OSBPL9: variants seen among roughly 807,000 people sequenced by gnomAD.
OSBPL9 encodes the protein oxysterol-binding protein-related protein 9.
In OSBPL9, 40 loss-of-function variants were observed where a neutral mutation model predicts 106.6. The observed-to-expected ratio is 0.38, with a 90% CI of 0.29 to 0.49. OSBPL9 has a LOEUF of 0.49. OSBPL9 is among the 20% of genes least tolerant of loss of function. The pLI is 0.97. For missense variants in OSBPL9, 609 were observed against 887.2 expected (o/e 0.69, Z 3.98); for synonymous variants, 269 against 295.4 (o/e 0.91, Z 0.92).
At chr1:51,525,420 A>G in the OSBPL9 span, among the ~76,000 whole-genome samples, 1 of 152,244 alleles carries the variant, frequency 6.6e-6, no homozygotes, top group Non-Finnish European at 1.5e-5. Context: ...AATAACAAAT[A>G]GACAACTCTT....
chr1:51,606,721 T>C (rs558190025), intron 2 of OSBPL9, among the ~76,000 whole-genome samples: 28 of 152,292 alleles, frequency 1.8e-4, no homozygotes, highest in Non-Finnish European at 3.8e-4. Context: ...GCTTTTTAAG[T>C]AGTTACAAGT....
chr1:51,653,701 T>C (rs1204209084), intron 2 of OSBPL9, among the ~76,000 whole-genome samples: 1 of 152,218 alleles, frequency 6.6e-6, no homozygotes, highest in Non-Finnish European at 1.5e-5. Flanking sequence ...AATTTGTCTG[T>C]TGAAGAATCT....
chr1:51,616,943 A>G, upstream of OSBPL9: 6 of 1,355,430 alleles, frequency 4.4e-6, no homozygotes, highest in Non-Finnish European at 5.9e-6. Context: ...TCCTACACAC[A>G]ATAGGCGCCC....
chr1:51,592,385 G>T (rs577924410), intron 1 of OSBPL9, among the ~76,000 whole-genome samples: 1 of 152,266 alleles, frequency 6.6e-6, no homozygotes, highest in Non-Finnish European at 1.5e-5. Context: ...AAAGTGCTGG[G>T]ATTACAGGCG....
chr1:51,518,810 CAGG>C, the OSBPL9 span, among the ~76,000 whole-genome samples: 1 of 151,588 alleles, frequency 6.6e-6, no homozygotes, highest in Non-Finnish European at 1.5e-5. Context: ...GCGAGCTCAA[CAGG>C]AGCTCACCTG....
intron 11 of OSBPL9, among the ~76,000 whole-genome samples, chr1:51,764,668 G>A (rs964538142): frequency 3.3e-5 from 5 of 150,348 alleles, no homozygotes; most frequent in African/African-American, 7.4e-5. Flanking sequence ...CTGCAGCCTC[G>A]ACCTCCTCAG....
intron 2 of OSBPL9, among the ~76,000 whole-genome samples, chr1:51,661,857 A>C (rs1557655198): frequency 6.6e-6 from 1 of 152,178 alleles, no homozygotes; most frequent in Non-Finnish European, 1.5e-5. Context: ...TGGTGGTAGG[A>C]GAGAAATTGG....
At chr1:51,539,269 G>A in the OSBPL9 span, among the ~76,000 whole-genome samples, 3 of 140,194 alleles carry the variant, frequency 2.1e-5, no homozygotes, top group Admixed American at 7.0e-5. Context: ...TCCATCCCCC[G>A]GTTACTCTAG....
chr1:51,662,742 ATT>A (rs139072045), intron 2 of OSBPL9, among the ~76,000 whole-genome samples: 14 of 131,726 alleles, frequency 1.1e-4, no homozygotes, highest in Admixed American at 1.5e-4. Context: ...AAATCAACGA[ATT>A]TTTTTTTTTT....
At chr1:51,722,683 T>G (rs1310798705) in intron 4 of OSBPL9, among the ~76,000 whole-genome samples, 1 of 152,226 alleles carries the variant, frequency 6.6e-6, no homozygotes, top group Non-Finnish European at 1.5e-5. Context: ...GATAATGCAT[T>G]AAAAATTGCA....
At chr1:51,613,745 T>C (rs575653319), upstream of OSBPL9, among the ~76,000 whole-genome samples, 36 of 151,966 alleles carry the variant, frequency 2.4e-4, no homozygotes, top group African/African-American at 7.5e-4. Context: ...CTTTTCTTTT[T>C]TTTTTTTTTG....
At chr1:51,736,351 G>C (rs1665691882) in intron 4 of OSBPL9, among the ~76,000 whole-genome samples, 1 of 152,160 alleles carries the variant, frequency 6.6e-6, no homozygotes, top group Admixed American at 6.5e-5. Context: ...TAATTTCTAA[G>C]AGATAAATGT....
Position 51,760,678 on chromosome 1 carries a change from TC to T in OSBPL9, c.583-11del. 1 of 1,613,480 alleles carries T rather than the reference TC, an allele frequency of 6.2e-7. No homozygotes were observed. The highest frequency in any genetic ancestry group is 8.5e-7 in the Non-Finnish European group (1 of 1,179,662). On this transcript the variant is annotated splice_polypyrimidine_tract_variant and intron_variant, in intron 9 of 23. Coordinates refer to ENST00000428468, the MANE Select transcript of OSBPL9 (RefSeq NM_024586.6). ...TAATTAAAAATAGCTATATTGTGTT[TC>T]TTTATTTTAGAGTACTATTAATCCC...
intron 6 of OSBPL9, 34 bp from the exon 7 acceptor site, chr1:51,748,335 G>T: frequency 6.6e-7 from 1 of 1,510,500 alleles, no homozygotes; most frequent in South Asian, 1.4e-5. Flanking sequence ...TTGTGCTTCT[G>T]ATTATTTCTG....
chr1:51,558,331 C>T, the OSBPL9 span, among the ~76,000 whole-genome samples: 1 of 152,024 alleles, frequency 6.6e-6, no homozygotes, highest in Non-Finnish European at 1.5e-5. Flanking sequence ...AAACCCCCTC[C>T]TTCCTTGCTT....
At chr1:51,628,498 T>C (rs1175804747) in intron 1 of OSBPL9, among the ~76,000 whole-genome samples, 5 of 151,570 alleles carry the variant, frequency 3.3e-5, no homozygotes, top group Admixed American at 3.3e-4. Context: ...GTGGGAGAAT[T>C]GCTTGAACCC....
At chr1:51,667,008 G>A (rs1487158487) in intron 2 of OSBPL9, among the ~76,000 whole-genome samples, 2 of 152,298 alleles carry the variant, frequency 1.3e-5, no homozygotes, top group Admixed American at 1.3e-4. Context: ...CAGAGAGGAT[G>A]GAGACAAGTT....
In OSBPL9 at chr1:51,716,772, C is replaced by T. The variant is rs540180751; in HGVS notation, c.318+2693C>T. Among the ~76,000 whole-genome samples the T allele has an allele frequency of 3.4e-4, 52 of 152,280 alleles. 1 individual carries two copies. Among genetic ancestry groups the T allele is most frequent in the African/African-American group, 1.2e-3 (51 of 41,544 alleles). ...GGATGGGCACTCACGGAGCTGTCTT[C>T]CAAAGGGGTATAGGAGAGGAGACGC... On this transcript the variant is annotated intron_variant, in intron 4 of 23. Coordinates refer to ENST00000428468, the MANE Select transcript of OSBPL9 (RefSeq NM_024586.6).
the OSBPL9 span, among the ~76,000 whole-genome samples, chr1:51,564,687 G>T: frequency 7.2e-5 from 11 of 152,150 alleles, no homozygotes; most frequent in Non-Finnish European, 1.5e-4. Context: ...AAGTTCTCTG[G>T]TTCCTAGCCT....
Sources: allele counts gnomAD v4.1 joint callset (sites outside exome capture counted in the v4.1 genomes callset), GRCh38; gene constraint gnomAD v4.1.1; transcripts MANE v1.5; gene names NCBI Gene and HGNC (gene_info 2026-07-23, HGNC 2026-07-21).